Variants in ACYP2 observed in about 807,000 individuals in gnomAD.
ACYP2 encodes acylphosphatase 2, also known as acylphosphatase-2.
Under a neutral mutation model 11.2 loss-of-function variants are expected in ACYP2, and 12 were observed. That is an observed-to-expected ratio of 1.08 (90% CI 0.69 to 1.74). ACYP2 has a LOEUF of 1.74. Ranked by LOEUF, ACYP2 falls within the 40% of genes most tolerant of loss-of-function variation. The probability of loss-of-function intolerance (pLI) is 0.00; values close to 1 mark genes in which losing one functional copy is unlikely to be tolerated. For synonymous variants in ACYP2, 43 were observed against 32.2 expected (o/e 1.33, Z -1.13); for missense variants, 134 against 101.9 (o/e 1.31, Z -1.35).
intron 2 of ACYP2, among the ~76,000 whole-genome samples, chr2:54,023,496 A>G (rs1277992888): frequency 6.6e-6 from 1 of 152,146 alleles, no homozygotes; most frequent in Admixed American, 6.6e-5. Flanking sequence ...TGAGAATTTC[A>G]GGTGCTTTAT....
chr2:54,015,645 TCACACACA>T (rs4027206), intron 2 of ACYP2, among the ~76,000 whole-genome samples: 2,176 of 130,432 alleles, frequency 0.017, 32 homozygotes, highest in African/African-American at 0.036. Context: ...TGAGACCCCG[TCACACACA>T]CACACACACA....
intron 1 of ACYP2, among the ~76,000 whole-genome samples, chr2:53,971,941 G>C (rs905267748): frequency 2.0e-5 from 3 of 152,366 alleles, no homozygotes; most frequent in East Asian, 3.9e-4. Context: ...AAGGAATTCA[G>C]AGCTTTATCC....
intron 2 of ACYP2, among the ~76,000 whole-genome samples, chr2:54,038,069 G>C (rs150450920): frequency 1.8e-3 from 279 of 152,270 alleles, no homozygotes; most frequent in Middle Eastern, 3.4e-3. Flanking sequence ...ATATAATAAG[G>C]AAATTAAAGC....
intron 6 of ACYP2, among the ~76,000 whole-genome samples, chr2:54,184,496 G>T (rs772766361): frequency 3.9e-5 from 6 of 152,142 alleles, no homozygotes; most frequent in Non-Finnish European, 7.4e-5. Flanking sequence ...TCATGCTTAA[G>T]CTAGTTTAAA....
At chr2:54,112,495 C>A (rs552967664) in intron 4 of ACYP2, among the ~76,000 whole-genome samples, 1 of 152,126 alleles carries the variant, frequency 6.6e-6, no homozygotes, top group Non-Finnish European at 1.5e-5. Context: ...ATTTGATATT[C>A]CAACTTCAAT....
chr2:54,109,159 C>A (rs931036767), intron 4 of ACYP2, among the ~76,000 whole-genome samples: 1 of 152,068 alleles, frequency 6.6e-6, no homozygotes, highest in African/African-American at 2.4e-5. Context: ...AAACGCCCAT[C>A]AATCAATGAG....
intron 6 of ACYP2, among the ~76,000 whole-genome samples, chr2:54,212,770 T>C (rs185409469): frequency 6.6e-6 from 1 of 152,328 alleles, no homozygotes; most frequent in Admixed American, 6.5e-5. Flanking sequence ...AAATTACGTT[T>C]ATTTCATTTT....
chr2:53,985,403 A>T (rs976368118), intron 2 of ACYP2, among the ~76,000 whole-genome samples: 3 of 151,958 alleles, frequency 2.0e-5, no homozygotes, highest in Non-Finnish European at 2.9e-5. Flanking sequence ...ATTCCATCTC[A>T]GGTCAAAAGG....
At chr2:54,014,949 C>T (rs1673597971) in intron 2 of ACYP2, among the ~76,000 whole-genome samples, 1 of 152,062 alleles carries the variant, frequency 6.6e-6, no homozygotes, top group African/African-American at 2.4e-5. Flanking sequence ...TGTATTTTCT[C>T]TTTCTACTTC....
chr2:54,263,214 GGGCAACAGGCACAT>G (rs1274122197), intron 6 of ACYP2, among the ~76,000 whole-genome samples: 7 of 152,140 alleles, frequency 4.6e-5, no homozygotes, highest in African/African-American at 1.7e-4. Flanking sequence ...GAAGGCAAAG[GGGCAACAGGCACAT>G]GGCAAGAGGA....
At chr2:54,075,468 A>G (rs955838199) in intron 4 of ACYP2, among the ~76,000 whole-genome samples, 58 of 150,492 alleles carry the variant, frequency 3.9e-4, no homozygotes, top group Middle Eastern at 3.4e-3. Flanking sequence ...ACTGCATCCT[A>G]TCCTGGGTGA....
At chr2:54,102,113 G>A (rs1678927333) in intron 4 of ACYP2, among the ~76,000 whole-genome samples, 1 of 152,036 alleles carries the variant, frequency 6.6e-6, no homozygotes, top group South Asian at 2.1e-4. Flanking sequence ...AATTTTTAAG[G>A]CTTTTGAGGA....
chr2:53,992,440 A>G (rs1236474047), intron 2 of ACYP2, among the ~76,000 whole-genome samples: 1 of 152,202 alleles, frequency 6.6e-6, no homozygotes, highest in Admixed American at 6.5e-5. Context: ...AAGTACTGTG[A>G]CTAATTAGGA....
rs181756935 is a variant in ACYP2 at position 54,129,173 on chromosome 2, G to A, written c.278-6280G>A. On this transcript the variant is annotated intron_variant, in intron 4 of 6. Transcript: ENST00000607452. ...CAAATATTATGCACACAACCAAACA[G>A]GTACTAATCGTATCCCCAGAATTAG... is the stretch of plus-strand genomic sequence containing the variant. Among the ~76,000 whole-genome samples, 15 of 152,172 alleles carry A rather than the reference G, an allele frequency of 9.9e-5. No homozygotes were observed. In the East Asian group the frequency reaches 2.7e-3, roughly 27 times the overall value.
intron 2 of ACYP2, among the ~76,000 whole-genome samples, chr2:53,995,679 C>T (rs1248098674): frequency 6.6e-6 from 1 of 151,754 alleles, no homozygotes; most frequent in Admixed American, 6.6e-5. Flanking sequence ...TCTCAAACTC[C>T]TGACCTCAAG....
chr2:54,180,393 C>T (rs1339559650), intron 6 of ACYP2, among the ~76,000 whole-genome samples: 1 of 152,024 alleles, frequency 6.6e-6, no homozygotes, highest in Non-Finnish European at 1.5e-5. Flanking sequence ...TGTTATCATG[C>T]CTTGGTCTTT....
At chr2:54,259,651 G>A (rs1372263842) in intron 6 of ACYP2, among the ~76,000 whole-genome samples, 1 of 151,248 alleles carries the variant, frequency 6.6e-6, no homozygotes, top group Non-Finnish European at 1.5e-5. Flanking sequence ...TTTCAGTGGA[G>A]TGGTGGGGGT....
chr2:54,041,245 C>G (rs1054168578), intron 2 of ACYP2, among the ~76,000 whole-genome samples: 1 of 151,852 alleles, frequency 6.6e-6, no homozygotes, highest in Non-Finnish European at 1.5e-5. Flanking sequence ...TCACGCCCGG[C>G]CAGCGGTGGC....
At chr2:54,244,725 T>C (rs535547214) in intron 6 of ACYP2, among the ~76,000 whole-genome samples, 2 of 151,066 alleles carry the variant, frequency 1.3e-5, no homozygotes, top group South Asian at 4.1e-4. Context: ...TTTGAAATCC[T>C]TGTTTTATTT....
Sources: gnomAD v4.1 joint callset for allele counts (sites outside exome capture counted in the v4.1 genomes callset) on GRCh38, gnomAD v4.1.1 for gene constraint, MANE v1.5 for transcripts, NCBI Gene and HGNC (gene_info 2026-07-23, HGNC 2026-07-21) for gene names.